Variants in SEMA6D observed in about 807,000 individuals in gnomAD.
SEMA6D encodes semaphorin-6D.
SEMA6D carries 35 observed loss-of-function variants against 106.6 expected under a neutral mutation model. The ratio of observed to expected loss-of-function variants is 0.33; its 90% CI spans 0.25 to 0.44. The LOEUF is 0.44. Ranked by LOEUF, SEMA6D falls within the 20% of genes least tolerant of loss-of-function variation. The probability of loss-of-function intolerance (pLI) is 1.00; values close to 1 mark genes in which losing one functional copy is unlikely to be tolerated. For missense variants in SEMA6D, 1,185 were observed against 1,345.9 expected, an observed-to-expected ratio of 0.88 and a Z score of 1.87; for synonymous variants, 499 against 487.7, an observed-to-expected ratio of 1.02 and a Z score of -0.31.
At chr15:47,305,312 G>A (rs1019063420) in intron 1 of SEMA6D, among the ~76,000 whole-genome samples, 1 of 152,182 alleles carries the variant, frequency 6.6e-6, no homozygotes, top group South Asian at 2.1e-4. Context: ...ACTGAGTGTG[G>A]CCCATGGGAT....
intron 3 of SEMA6D, among the ~76,000 whole-genome samples, chr15:47,555,409 G>A (rs1387559825): frequency 6.6e-6 from 1 of 152,062 alleles, no homozygotes; most frequent in African/African-American, 2.4e-5. Flanking sequence ...TATATTAATG[G>A]CACATAATAT....
intron 1 of SEMA6D, among the ~76,000 whole-genome samples, chr15:47,723,563 C>A (rs955050267): frequency 1.3e-4 from 20 of 152,126 alleles, no homozygotes; most frequent in Non-Finnish European, 2.6e-4. Flanking sequence ...AAGTGTATTA[C>A]TGAAGTTAAA....
chr15:47,478,972 G>A (rs930998287), intron 3 of SEMA6D, among the ~76,000 whole-genome samples: 2 of 151,842 alleles, frequency 1.3e-5, no homozygotes, highest in Non-Finnish European at 2.9e-5. Context: ...TCACTCTCCC[G>A]AGAACAGCAT....
At chr15:47,207,586 C>T (rs1040071385) in intron 1 of SEMA6D, among the ~76,000 whole-genome samples, 3 of 152,124 alleles carry the variant, frequency 2.0e-5, no homozygotes, top group Non-Finnish European at 4.4e-5. Context: ...TCCTTGTGCT[C>T]AAGAATTTCA....
At chr15:47,344,217 G>T (rs1298973406) in intron 1 of SEMA6D, among the ~76,000 whole-genome samples, 3 of 152,240 alleles carry the variant, frequency 2.0e-5, no homozygotes, top group Non-Finnish European at 4.4e-5. Flanking sequence ...TATTTTAAAA[G>T]GAAATCTTAT....
chr15:47,392,311 A>T (rs4497626), intron 1 of SEMA6D, among the ~76,000 whole-genome samples: 2 of 151,996 alleles, frequency 1.3e-5, no homozygotes, highest in African/African-American at 4.8e-5. Context: ...CTGGAACTAT[A>T]AATCTGTTAC....
intron 4 of SEMA6D, among the ~76,000 whole-genome samples, chr15:47,664,093 G>A (rs1000993636): frequency 1.2e-4 from 18 of 152,288 alleles, no homozygotes; most frequent in South Asian, 4.1e-4. Flanking sequence ...TATATTAACA[G>A]AGCCTCAAAG....
intron 2 of SEMA6D, among the ~76,000 whole-genome samples, chr15:47,447,719 G>A (rs893507973): frequency 6.6e-6 from 1 of 152,142 alleles, no homozygotes; most frequent in African/African-American, 2.4e-5. Context: ...ACCCAAGGAG[G>A]GGGCAGTGGG....
At chr15:47,238,443 A>G (rs1462720088) in intron 1 of SEMA6D, among the ~76,000 whole-genome samples, 1 of 152,068 alleles carries the variant, frequency 6.6e-6, no homozygotes. Flanking sequence ...ATTTTCTCAC[A>G]TATAGCAGAA....
At chr15:47,548,613 A>AT (rs1166775615) in intron 3 of SEMA6D, among the ~76,000 whole-genome samples, 1 of 152,186 alleles carries the variant, frequency 6.6e-6, no homozygotes, top group Non-Finnish European at 1.5e-5. Flanking sequence ...ATTGTGCTCC[A>AT]TAAAAAAAGG....
intron 3 of SEMA6D, among the ~76,000 whole-genome samples, chr15:47,470,827 G>A: frequency 6.6e-6 from 1 of 152,224 alleles, no homozygotes; most frequent in East Asian, 1.9e-4. Flanking sequence ...GGAGAATAAA[G>A]ATAAATAATA....
intron 3 of SEMA6D, among the ~76,000 whole-genome samples, chr15:47,508,320 T>A (rs2044116883): frequency 6.6e-6 from 1 of 152,194 alleles, no homozygotes; most frequent in Non-Finnish European, 1.5e-5. Context: ...TACACTCTCT[T>A]CTTCCAGGGG....
intron 3 of SEMA6D, among the ~76,000 whole-genome samples, chr15:47,494,301 C>T (rs906743906): frequency 1.3e-5 from 2 of 152,086 alleles, no homozygotes; most frequent in African/African-American, 4.8e-5. Flanking sequence ...TAATCTTATA[C>T]ACTACCCTAA....
chr15:47,247,620 T>C (rs1002760430), intron 1 of SEMA6D, among the ~76,000 whole-genome samples: 2 of 152,230 alleles, frequency 1.3e-5, no homozygotes, highest in Admixed American at 1.3e-4. Context: ...ATTTGTTTTC[T>C]TATCTATCTA....
At chr15:47,591,001 C>T (rs919399042) in intron 3 of SEMA6D, among the ~76,000 whole-genome samples, 4 of 152,144 alleles carry the variant, frequency 2.6e-5, no homozygotes, top group Admixed American at 1.3e-4. Context: ...TTAGTCCATT[C>T]CTGGTGCTAT....
At chr15:47,216,288 G>A (rs1000219330) in intron 1 of SEMA6D, among the ~76,000 whole-genome samples, 5 of 152,092 alleles carry the variant, frequency 3.3e-5, no homozygotes, top group African/African-American at 4.8e-5. Flanking sequence ...ACAGACTGTG[G>A]TTTTGAAGCA....
intron 2 of SEMA6D, among the ~76,000 whole-genome samples, chr15:47,458,028 A>C (rs1490074172): frequency 6.6e-6 from 1 of 151,976 alleles, no homozygotes; most frequent in African/African-American, 2.4e-5. Context: ...AAAATTTTCA[A>C]CCAAGAATTT....
intron 2 of SEMA6D, among the ~76,000 whole-genome samples, chr15:47,424,428 T>C (rs1165422094): frequency 6.6e-6 from 1 of 152,060 alleles, no homozygotes; most frequent in Non-Finnish European, 1.5e-5. Flanking sequence ...TATGATGAAA[T>C]AAAACAGATT....
At chr15:47,634,233 G>A (rs998714622) in intron 4 of SEMA6D, among the ~76,000 whole-genome samples, 1 of 152,108 alleles carries the variant, frequency 6.6e-6, no homozygotes, top group Non-Finnish European at 1.5e-5. Flanking sequence ...TACTCATAGT[G>A]CCTCATTGCA....
Sources: allele counts gnomAD v4.1 joint callset (sites outside exome capture counted in the v4.1 genomes callset), GRCh38; gene constraint gnomAD v4.1.1; transcripts MANE v1.5; gene names NCBI Gene and HGNC (gene_info 2026-07-23, HGNC 2026-07-21).